CCDC62: variants seen among roughly 807,000 people sequenced by gnomAD.
CCDC62 encodes the protein coiled-coil domain containing 62, also known as coiled-coil domain-containing protein 62.
In CCDC62, 72 loss-of-function variants were observed where a neutral mutation model predicts 80.8. The ratio of observed to expected loss-of-function variants is 0.89; its 90% CI spans 0.74 to 1.08. The LOEUF (loss-of-function observed/expected upper bound fraction) is 1.08, where lower values mean the gene tolerates loss of function less well. Ranked by LOEUF, CCDC62 falls within the 50% of genes least tolerant of loss-of-function variation. The pLI is 0.00. For synonymous variants in CCDC62, 286 were observed against 296.5 expected (o/e 0.96, Z 0.36); for missense variants, 704 against 809.4 (o/e 0.87, Z 1.58).
chr12:122,806,358 C>G lies in CCDC62; in HGVS notation c.1851+63C>G. The stretch of plus-strand genomic sequence containing the variant: ...CCAGGCCTCTCACCAGCTTTTAATG[C>G]TTCTCTAGCAACCACTGTTAGCTTG... On this transcript the variant is annotated intron_variant, in intron 10 of 12. Coordinates refer to ENST00000253079, the MANE Select transcript of CCDC62 (RefSeq NM_201435.5). 4 of 1,370,030 alleles carry G rather than the reference C, an allele frequency of 2.9e-6. No individual in the cohort carries two copies. The South Asian group carries it at 6.6e-5, about 23-fold the overall frequency. 84.9% of individuals were successfully genotyped at this position (1,370,030 alleles called of 1,614,324 possible).
At position 122,804,438 on chromosome 12, in the gene CCDC62, G is replaced by T. The variant is rs148996724; in HGVS notation, c.1707-1713G>T. Among the ~76,000 whole-genome samples, 715 of 152,242 alleles carry T rather than the reference G, an allele frequency of 4.7e-3. 8 individuals are homozygous for T. Among genetic ancestry groups the T allele is most frequent in the African/African-American group, 0.016 (682 of 41,554 alleles). On this transcript the variant is annotated intron_variant, in intron 9 of 12. Coordinates refer to ENST00000253079, the MANE Select transcript of CCDC62 (RefSeq NM_201435.5). ...GGAGGTGGAGGTTGCAGTGACCCAA[G>T]ATTATGCCACTGCACTGCAGCCTGG... is the stretch of plus-strand genomic sequence containing the variant.
At chr12:122,792,401 A>G (rs2030682543) in intron 6 of CCDC62, among the ~76,000 whole-genome samples, 1 of 151,812 alleles carries the variant, frequency 6.6e-6, no homozygotes, top group Non-Finnish European at 1.5e-5. Context: ...TTGTATATTT[A>G]GTAGAGACGG....
intron 7 of CCDC62, 60 bp downstream of exon 7, chr12:122,797,455 T>C: frequency 2.1e-6 from 2 of 933,322 alleles, no homozygotes; most frequent in African/African-American, 3.3e-5. Flanking sequence ...AATAGCAAAT[T>C]AGGAAAAATG....
Position 122,813,499 on chromosome 12 carries a change from A to G in CCDC62, c.2001+80A>G, listed in dbSNP as rs932889550. 2.2e-6 allele frequency: 3 copies of G among 1,364,268 alleles called. No individual in the cohort carries two copies. The African/African-American group carries it at 4.4e-5, about 20-fold the overall frequency. 84.5% of individuals were successfully genotyped at this position (1,364,268 alleles called of 1,614,324 possible). On this transcript the variant is annotated intron_variant, in intron 11 of 12. Coordinates refer to ENST00000253079, the MANE Select transcript of CCDC62 (RefSeq NM_201435.5). ...ACACCAGTGTGCAAATATCACCGGC[A>G]GGGCGGCCTTTCTGTTAGAGGGAGA...
chr12:122,804,961 T>C (rs930366911), intron 9 of CCDC62, among the ~76,000 whole-genome samples: 1 of 150,526 alleles, frequency 6.6e-6, no homozygotes, highest in African/African-American at 2.4e-5. Flanking sequence ...CTCGGCTCAC[T>C]GCAACCTCTG....
chr12:122,797,519 G>A (rs1047574267), intron 7 of CCDC62, 124 bp downstream of exon 7: 11 of 533,564 alleles, frequency 2.1e-5, no homozygotes, highest in Non-Finnish European at 3.7e-5. Flanking sequence ...TACATTAGTT[G>A]TATATCATGT....
At chr12:122,781,024 A>C in intron 2 of CCDC62, 140 bp from the exon 3 acceptor site, 1 of 640,928 alleles carries the variant, frequency 1.6e-6, no homozygotes, top group Non-Finnish European at 2.7e-6. Flanking sequence ...GATATTGTGC[A>C]TTTCATAATA....
chr12:122,782,577 C>T (rs1289182647), intron 3 of CCDC62, among the ~76,000 whole-genome samples: 2 of 152,050 alleles, frequency 1.3e-5, no homozygotes, highest in African/African-American at 4.8e-5. Flanking sequence ...TCTTGCCTCA[C>T]TCCCCCGAGT....
intron 9 of CCDC62, among the ~76,000 whole-genome samples, chr12:122,805,034 G>A (rs1170121240): frequency 6.6e-6 from 1 of 151,492 alleles, no homozygotes; most frequent in Non-Finnish European, 1.5e-5. Flanking sequence ...ACAGGCGCGC[G>A]CCACCATGCC....
intron 5 of CCDC62, among the ~76,000 whole-genome samples, chr12:122,790,288 A>T (rs972201931): frequency 6.6e-6 from 1 of 152,070 alleles, no homozygotes; most frequent in Non-Finnish European, 1.5e-5. Context: ...TGAGCTTGTG[A>T]TCCACCTGCC....
chr12:122,806,404 GTTT>G (rs34775544), intron 10 of CCDC62, 109 bp downstream of exon 10: 71,982 of 426,442 alleles, frequency 0.17, 20 homozygotes, highest in East Asian at 0.24. Context: ...CTATTCCTCC[GTTT>G]TTTTTTTTTT....
At position 122,785,711 on chromosome 12, in the gene CCDC62, T is replaced by C. The variant is rs574504475; in HGVS notation, c.397-8T>C. The C allele has an allele frequency of 1.0e-5, 16 of 1,597,650 alleles. No individual in the cohort carries two copies. The South Asian group carries it at 1.2e-4, about 12-fold the overall frequency. On this transcript the variant is annotated splice_polypyrimidine_tract_variant and splice_region_variant and intron_variant, in intron 3 of 12. Coordinates refer to ENST00000253079, the MANE Select transcript of CCDC62 (RefSeq NM_201435.5). The stretch of plus-strand genomic sequence containing the variant: ...TCAAGCAGTATCATCTGTGTTGTTT[T>C]CTTGTAGGCTAGAAACGAAACTCTC...
chr12:122,823,622 A>G (rs1301167515), intron 12 of CCDC62, among the ~76,000 whole-genome samples, 163 bp downstream of exon 12: 1 of 152,020 alleles, frequency 6.6e-6, no homozygotes, highest in Non-Finnish European at 1.5e-5. Flanking sequence ...ATCAGAGTAA[A>G]ATGTCAATTA....
rs2031281144 is a variant in CCDC62 at position 122,801,188 on chromosome 12, A to G, written c.1042A>G (p.Asn348Asp). Residue 348 changes from asparagine (N) to aspartate (D), a missense_variant, in exon 9 of 13, where the codon AAT becomes GAT. By Grantham distance (23) the Asn-to-Asp change is conservative. Transcript: ENST00000253079. ...AAAAGTCGATATTAAGAGGGAAAAAAATCAGAAGTCACTGTTTAAGGACCA... is the reference window on the plus strand; with the variant it reads ...AAAAGTCGATATTAAGAGGGAAAAAGATCAGAAGTCACTGTTTAAGGACCA... ...HPKVDIKREK[N>D]QKSLFKDQKF... 2.5e-6 allele frequency: 4 copies of G among 1,614,106 alleles called. No individual in the cohort carries two copies. The South Asian group carries it at 4.4e-5, about 18-fold the overall frequency.
intron 2 of CCDC62, among the ~76,000 whole-genome samples, chr12:122,778,975 TAC>T (rs1222033545): frequency 1.3e-5 from 2 of 152,218 alleles, no homozygotes; most frequent in Admixed American, 6.5e-5. Context: ...CACACGTATA[TAC>T]ACACAGTGTT....
At chr12:122,794,331 A>G (rs1189866540) in intron 6 of CCDC62, among the ~76,000 whole-genome samples, 1 of 151,932 alleles carries the variant, frequency 6.6e-6, no homozygotes, top group Non-Finnish European at 1.5e-5. Context: ...GGTAGGTGGG[A>G]CCACAGGCAC....
intron 10 of CCDC62, among the ~76,000 whole-genome samples, chr12:122,808,319 C>T (rs1190215199): frequency 1.3e-5 from 2 of 152,074 alleles, no homozygotes; most frequent in Middle Eastern, 3.2e-3. Flanking sequence ...ATGGCAAAAA[C>T]CGCAATTACT....
intron 6 of CCDC62, among the ~76,000 whole-genome samples, chr12:122,793,731 A>G (rs2135548286): frequency 6.6e-6 from 1 of 152,204 alleles, no homozygotes; most frequent in African/African-American, 2.4e-5. Flanking sequence ...CTGGGATTAC[A>G]GGTGCGAGCC....
chr12:122,788,033 T>G (rs537322718), intron 4 of CCDC62, among the ~76,000 whole-genome samples: 2 of 152,260 alleles, frequency 1.3e-5, no homozygotes, highest in South Asian at 4.1e-4. Flanking sequence ...AGTCCTAGTG[T>G]GAGATGTGCA....
Sources: allele counts gnomAD v4.1 joint callset (sites outside exome capture counted in the v4.1 genomes callset), GRCh38; gene constraint gnomAD v4.1.1; transcripts MANE v1.5; gene names NCBI Gene and HGNC (gene_info 2026-07-23, HGNC 2026-07-21).